Variants in NALCN observed in about 807,000 individuals in gnomAD.
NALCN encodes the protein sodium leak channel, non-selective, also known as sodium leak channel NALCN.
Under a neutral mutation model 225.3 loss-of-function variants are expected in NALCN, and 111 were observed. That is an observed-to-expected ratio of 0.49 (90% confidence interval 0.42 to 0.58). NALCN has a LOEUF of 0.58. Ranked by LOEUF, NALCN falls within the 20% of genes least tolerant of loss-of-function variation. The pLI, the probability that NALCN is intolerant of heterozygous loss-of-function variation, is 0.00. For missense variants in NALCN, 1,378 were observed against 2,202.4 expected (o/e 0.63, Z 7.49); for synonymous variants, 764 against 769.0 (o/e 0.99, Z 0.11).
intron 14 of NALCN, chr13:101,180,752 C>A (rs1486866823): frequency 3.9e-6 from 1 of 258,666 alleles, no homozygotes; most frequent in Non-Finnish European, 7.7e-6. Flanking sequence ...AGGGTCAAGT[C>A]TTGGATGTCA....
intron 7 of NALCN, among the ~76,000 whole-genome samples, chr13:101,312,289 TG>T (rs2044375594): frequency 2.0e-5 from 3 of 152,222 alleles, no homozygotes; most frequent in African/African-American, 4.8e-5. Flanking sequence ...CTATCAATTT[TG>T]TTGATCTTTT....
intron 6 of NALCN, chr13:101,372,984 T>C (rs930930544): frequency 2.7e-5 from 7 of 260,216 alleles, no homozygotes; most frequent in African/African-American, 1.4e-4. Flanking sequence ...AAAAAATGGC[T>C]TATTACCACT....
chr13:101,318,828 T>C (rs991412737), intron 7 of NALCN, among the ~76,000 whole-genome samples: 11 of 152,208 alleles, frequency 7.2e-5, no homozygotes, highest in African/African-American at 2.7e-4. Context: ...AGAATAATTA[T>C]GACACTGCGC....
At chr13:101,414,297 G>A (rs1487625680) in intron 1 of NALCN, among the ~76,000 whole-genome samples, 1 of 152,114 alleles carries the variant, frequency 6.6e-6, no homozygotes, top group Non-Finnish European at 1.5e-5. Flanking sequence ...CTTTCCTGAA[G>A]GATTCTTAGG....
intron 34 of NALCN, among the ~76,000 whole-genome samples, chr13:101,080,830 T>C (rs1312900282): frequency 6.6e-6 from 1 of 151,558 alleles, no homozygotes; most frequent in East Asian, 1.9e-4. Flanking sequence ...TTTTTTATTG[T>C]GGCTTCTAGA....
At chr13:101,259,572 G>T (rs982276210) in intron 10 of NALCN, among the ~76,000 whole-genome samples, 10 of 151,332 alleles carry the variant, frequency 6.6e-5, no homozygotes, top group African/African-American at 2.4e-4. Context: ...CTGACCTCAT[G>T]ATCCGCCCGC....
chr13:101,384,490 CA>C (rs2046933356), intron 3 of NALCN, among the ~76,000 whole-genome samples: 1 of 152,094 alleles, frequency 6.6e-6, no homozygotes, highest in African/African-American at 2.4e-5. Context: ...TTTGCAGTGA[CA>C]AAATGATATG....
chr13:101,099,506 C>T (rs1429349724), intron 27 of NALCN, among the ~76,000 whole-genome samples: 1 of 151,716 alleles, frequency 6.6e-6, no homozygotes, highest in East Asian at 1.9e-4. Context: ...CATTTAGGAA[C>T]TGAGGCATCA....
intron 13 of NALCN, among the ~76,000 whole-genome samples, chr13:101,220,337 G>A (rs1385111118): frequency 4.6e-5 from 7 of 152,206 alleles, no homozygotes; most frequent in Non-Finnish European, 8.8e-5. Context: ...ACCCAGGGAT[G>A]TGCGTCTGAC....
At chr13:101,159,021 G>C (rs2038038752) in intron 15 of NALCN, among the ~76,000 whole-genome samples, 1 of 152,134 alleles carries the variant, frequency 6.6e-6, no homozygotes, top group Admixed American at 6.6e-5. Flanking sequence ...AGAGTAAGAT[G>C]AAATGATCCA....
intron 3 of NALCN, among the ~76,000 whole-genome samples, chr13:101,387,241 A>AT (rs1566640680): frequency 2.0e-4 from 30 of 149,510 alleles, no homozygotes; most frequent in African/African-American, 7.2e-4. Context: ...AAAAAAAAAA[A>AT]AAAAAAAAAA....
intron 10 of NALCN, among the ~76,000 whole-genome samples, chr13:101,270,962 A>T (rs183401768): frequency 1.4e-3 from 220 of 152,330 alleles, no homozygotes; most frequent in African/African-American, 5.1e-3. Flanking sequence ...TGGACATTTT[A>T]AAAATGCTTG....
intron 3 of NALCN, 120 bp from the exon 4 acceptor site, chr13:101,378,773 G>C (rs2046765202): frequency 1.4e-6 from 1 of 698,624 alleles, no homozygotes; most frequent in African/African-American, 1.9e-5. Flanking sequence ...TATCATAATA[G>C]AACAGACTTT....
At chr13:101,136,109 A>C (rs1210764310) in intron 17 of NALCN, among the ~76,000 whole-genome samples, 1 of 152,194 alleles carries the variant, frequency 6.6e-6, no homozygotes, top group African/African-American at 2.4e-5. Flanking sequence ...TGTTAGTTGA[A>C]TATAGAAAGA....
intron 12 of NALCN, among the ~76,000 whole-genome samples, chr13:101,236,917 TAATAAAATAA>T (rs1328274170): frequency 9.8e-5 from 14 of 142,322 alleles, no homozygotes; most frequent in African/African-American, 2.6e-5. Flanking sequence ...AGTATAATAA[TAATAAAATAA>T]AATAAAATAA....
intron 6 of NALCN, among the ~76,000 whole-genome samples, chr13:101,356,626 CCTTCTG>C (rs2046069512): frequency 6.6e-6 from 1 of 152,184 alleles, no homozygotes; most frequent in Admixed American, 6.5e-5. Flanking sequence ...TGGTATCATT[CCTTCTG>C]AAACTATTCC....
At chr13:101,193,142 A>T (rs2039750991) in intron 13 of NALCN, among the ~76,000 whole-genome samples, 1 of 151,316 alleles carries the variant, frequency 6.6e-6, no homozygotes, top group African/African-American at 2.4e-5. Context: ...ATGAGGCTCA[A>T]AGATGTTAAG....
chr13:101,207,701 A>G (rs2040365478), intron 13 of NALCN, among the ~76,000 whole-genome samples: 1 of 149,962 alleles, frequency 6.7e-6, no homozygotes, highest in Non-Finnish European at 1.5e-5. Context: ...ACTCTGTAAA[A>G]TGGACCAATC....
intron 13 of NALCN, among the ~76,000 whole-genome samples, chr13:101,220,375 T>G (rs539704203): frequency 1.3e-5 from 2 of 152,312 alleles, no homozygotes; most frequent in African/African-American, 4.8e-5. Context: ...GTAAAATATG[T>G]TTTTAATCAT....
Sources: gnomAD v4.1 joint callset for allele counts (sites outside exome capture counted in the v4.1 genomes callset) on GRCh38, gnomAD v4.1.1 for gene constraint, MANE v1.5 for transcripts, NCBI Gene and HGNC (gene_info 2026-07-23, HGNC 2026-07-21) for gene names.